Variants in MRPL1 observed in about 807,000 individuals in gnomAD.
MRPL1 encodes large ribosomal subunit protein uL1m.
Under a neutral mutation model 38.0 loss-of-function variants are expected in MRPL1, and 28 were observed. That is an observed-to-expected ratio of 0.74 (90% CI 0.55 to 1.01). The LOEUF (loss-of-function observed/expected upper bound fraction) is 1.01. Ranked by LOEUF, MRPL1 falls within the 50% of genes least tolerant of loss-of-function variation. The pLI, the probability that MRPL1 is intolerant of heterozygous loss-of-function variation, is 0.00. For synonymous variants in MRPL1, 123 were observed against 126.7 expected (o/e 0.97, Z 0.20); for missense variants, 358 against 389.8 (o/e 0.92, Z 0.69).
At chr4:77,862,969 C>T (rs113848357) in intron 1 of MRPL1, 90 bp downstream of exon 1, 6 of 1,492,360 alleles carry the variant, frequency 4.0e-6, no homozygotes, top group Middle Eastern at 1.8e-4. Flanking sequence ...GCTCTGGGTG[C>T]TGAAAATGCC....
intron 2 of MRPL1, among the ~76,000 whole-genome samples, chr4:77,873,210 T>C (rs1371529957): frequency 6.6e-6 from 1 of 152,224 alleles, no homozygotes; most frequent in East Asian, 1.9e-4. Flanking sequence ...GTTAGTTCTT[T>C]TAAATTTCAC....
chr4:77,868,480 A>C (rs1009158684), intron 1 of MRPL1, among the ~76,000 whole-genome samples: 1 of 151,870 alleles, frequency 6.6e-6, no homozygotes, highest in Admixed American at 6.6e-5. Flanking sequence ...TTATCTTGTG[A>C]TCCACCCTCC....
intron 7 of MRPL1, among the ~76,000 whole-genome samples, chr4:77,922,415 T>C (rs978889013): frequency 3.9e-5 from 6 of 152,100 alleles, no homozygotes; most frequent in Admixed American, 2.0e-4. Flanking sequence ...CTACTGTCTT[T>C]TAGTTAGAGT....
At chr4:77,938,369 A>G (rs1443121635) in intron 7 of MRPL1, among the ~76,000 whole-genome samples, 1 of 152,212 alleles carries the variant, frequency 6.6e-6, no homozygotes, top group Non-Finnish European at 1.5e-5. Flanking sequence ...GCTTAGAAAC[A>G]TCAAATGGCT....
At chr4:77,918,690 A>G (rs1736484964) in intron 7 of MRPL1, among the ~76,000 whole-genome samples, 1 of 152,138 alleles carries the variant, frequency 6.6e-6, no homozygotes, top group South Asian at 2.1e-4. Flanking sequence ...TTTGGGGAGA[A>G]ATTAAGGTTT....
Position 77,952,601 on chromosome 4 carries a change from T to C in MRPL1, c.972T>C (p.Asp324=). 1 of 1,579,092 alleles carries C rather than the reference T, an allele frequency of 6.3e-7. No individual in the cohort carries two copies. The highest frequency in any genetic ancestry group is 8.7e-7 in the Non-Finnish European group (1 of 1,149,888). The change falls in exon 9 of 9, where the codon GAT becomes GAC. Residue 324 remains aspartate (D), a synonymous_variant. Coordinates refer to ENST00000315567, the MANE Select transcript of MRPL1 (RefSeq NM_020236.4). ...AAAATGAAGAAAGTGAAAAAGAAGA[T>C]GCCTAAATGTGGTGAATTGTGAAAT... is the stretch of plus-strand genomic sequence containing the variant. ...EVKNEESEKE[D]A
At chr4:77,930,322 G>A (rs1345899994) in intron 7 of MRPL1, among the ~76,000 whole-genome samples, 1 of 152,200 alleles carries the variant, frequency 6.6e-6, no homozygotes, top group African/African-American at 2.4e-5. Context: ...CAGGAGGTGA[G>A]TGGTGGGGGA....
In MRPL1 at chr4:77,874,438, T is replaced by C. The variant is rs76979909; in HGVS notation, c.143+2583T>C. ...CACATTTTTCTTTCCATTCTTTTTC[T>C]ATTACAAGTGATCCTGCAAGTGAAT... On this transcript the variant is annotated intron_variant, in intron 2 of 8. Coordinates refer to ENST00000315567, the MANE Select transcript of MRPL1 (RefSeq NM_020236.4). Among the ~76,000 whole-genome samples the C allele has an allele frequency of 0.013, 2,013 of 152,334 alleles. 86 individuals are homozygous for C. The East Asian group carries it at 0.17, about 13-fold the overall frequency.
chr4:77,935,369 G>T (rs1217693341), intron 7 of MRPL1, among the ~76,000 whole-genome samples: 1 of 152,136 alleles, frequency 6.6e-6, no homozygotes, highest in African/African-American at 2.4e-5. Context: ...TTGGGTTTAT[G>T]CCTCTAGATC....
chr4:77,881,443 CT>C (rs760628841), intron 2 of MRPL1, among the ~76,000 whole-genome samples: 222 of 133,076 alleles, frequency 1.7e-3, no homozygotes, highest in Middle Eastern at 4.0e-3. Context: ...TCAATATTTA[CT>C]TTTTTTTTTT....
intron 2 of MRPL1, among the ~76,000 whole-genome samples, chr4:77,872,078 T>TG (rs1270425756): frequency 6.6e-6 from 1 of 152,166 alleles, no homozygotes; most frequent in Non-Finnish European, 1.5e-5. Flanking sequence ...AGCAACCTTA[T>TG]GAGGAAGCTA....
At chr4:77,936,644 G>C (rs552948428) in intron 7 of MRPL1, among the ~76,000 whole-genome samples, 1 of 152,318 alleles carries the variant, frequency 6.6e-6, no homozygotes, top group Admixed American at 6.5e-5. Flanking sequence ...TGGAAGAATT[G>C]TGACAGAGGC....
At chr4:77,892,116 T>C (rs890105298) in intron 5 of MRPL1, among the ~76,000 whole-genome samples, 5 of 146,316 alleles carry the variant, frequency 3.4e-5, no homozygotes, top group African/African-American at 1.0e-4. Context: ...GATAAATTTA[T>C]GTAGTCATTT....
At chr4:77,885,184 T>C in intron 3 of MRPL1, 72 bp from the exon 4 acceptor site, 1 of 1,134,870 alleles carries the variant, frequency 8.8e-7, no homozygotes, top group Non-Finnish European at 1.3e-6. Flanking sequence ...ATGTCCGTTC[T>C]TGTTTTATAT....
chr4:77,862,902 A>T, intron 1 of MRPL1, 23 bp downstream of exon 1: 1 of 1,614,064 alleles, frequency 6.2e-7, no homozygotes, highest in Non-Finnish European at 8.5e-7. Flanking sequence ...GTTGTCTTGC[A>T]GGGGAAATGG....
At chr4:77,918,627 T>TG (rs1357435112) in intron 7 of MRPL1, among the ~76,000 whole-genome samples, 2 of 152,176 alleles carry the variant, frequency 1.3e-5, no homozygotes, top group Admixed American at 6.5e-5. Flanking sequence ...TCTAGGTGGG[T>TG]GATCATGTGA....
intron 7 of MRPL1, among the ~76,000 whole-genome samples, chr4:77,927,333 C>A (rs1257602387): frequency 2.6e-5 from 4 of 152,058 alleles, no homozygotes; most frequent in African/African-American, 7.2e-5. Flanking sequence ...TTCTTATAAT[C>A]TTATTTACAT....
intron 7 of MRPL1, among the ~76,000 whole-genome samples, chr4:77,948,132 CTG>C (rs1737314930): frequency 6.6e-6 from 1 of 152,090 alleles, no homozygotes; most frequent in Non-Finnish European, 1.5e-5. Context: ...TAGATTATAA[CTG>C]TTTAAAAAGA....
intron 1 of MRPL1, among the ~76,000 whole-genome samples, chr4:77,869,905 G>C (rs1735235650): frequency 6.7e-6 from 1 of 149,828 alleles, no homozygotes; most frequent in South Asian, 2.1e-4. Context: ...TTGTTTTTTT[G>C]AGACAGGGTT....
Sources: allele counts gnomAD v4.1 joint callset (sites outside exome capture counted in the v4.1 genomes callset), GRCh38; gene constraint gnomAD v4.1.1; transcripts MANE v1.5; gene names NCBI Gene and HGNC (gene_info 2026-07-23, HGNC 2026-07-21).